DAB1: variants seen among roughly 807,000 people sequenced by gnomAD.
DAB1 encodes disabled homolog 1.
In DAB1, 15 loss-of-function variants were observed where a neutral mutation model predicts 64.6. The observed-to-expected ratio is 0.23, with a 90% CI of 0.16 to 0.36. The LOEUF is 0.36. Among genes scored for constraint, DAB1 ranks in the 10% least tolerant of loss-of-function variants. DAB1 has a pLI of 1.00. For synonymous variants in DAB1, 235 were observed against 251.9 expected, an observed-to-expected ratio of 0.93 and a Z score of 0.64; for missense variants, 596 against 706.7, an observed-to-expected ratio of 0.84 and a Z score of 1.78.
At chr1:57,288,208 C>G (rs1009504207) in intron 2 of DAB1, among the ~76,000 whole-genome samples, 1 of 152,004 alleles carries the variant, frequency 6.6e-6, no homozygotes, top group Non-Finnish European at 1.5e-5. Flanking sequence ...TGTTCTGGGA[C>G]AAATTAGCTA....
intron 1 of DAB1, among the ~76,000 whole-genome samples, chr1:57,393,314 G>T (rs911470606): frequency 7.2e-5 from 11 of 152,246 alleles, no homozygotes; most frequent in Admixed American, 2.0e-4. Context: ...ATAATTTTTG[G>T]TTTTTTCACT....
At chr1:58,379,380 T>G (rs998268008) in intron 3 of DAB1, among the ~76,000 whole-genome samples, 2 of 152,234 alleles carry the variant, frequency 1.3e-5, no homozygotes, top group African/African-American at 4.8e-5. Context: ...ATACAAAATT[T>G]ATTTGGCACA....
At chr1:57,040,089 AG>A (rs1647547313) in intron 9 of DAB1, among the ~76,000 whole-genome samples, 1 of 152,212 alleles carries the variant, frequency 6.6e-6, no homozygotes, top group Non-Finnish European at 1.5e-5. Context: ...TAAAACCTGT[AG>A]TATATGGGGC....
chr1:58,137,139 T>C (rs1653993511), intron 5 of DAB1, among the ~76,000 whole-genome samples: 1 of 152,094 alleles, frequency 6.6e-6, no homozygotes, highest in Non-Finnish European at 1.5e-5. Context: ...TAAAGATAAG[T>C]TAAAAATAAA....
rs72916579 is a variant in DAB1 at position 57,814,502 on chromosome 1, G to A, written n.551+69497C>T. On this transcript the variant is annotated intron_variant and non_coding_transcript_variant, in intron 6 of 20. Coordinates refer to the DAB1 transcript ENST00000485760. ...AATGGCACAAAAACATCAGGAAAGC[G>A]GCTTGCTGGGATTTCTCAAACTGCA... Among the ~76,000 whole-genome samples the A allele has an allele frequency of 7.1e-3, 1,077 of 152,228 alleles. 17 individuals are homozygous for A. Among genetic ancestry groups the A allele is most frequent in the African/African-American group, 0.024 (1,002 of 41,522 alleles).
chr1:57,174,571 C>T (rs947026504), intron 2 of DAB1, among the ~76,000 whole-genome samples: 2 of 152,068 alleles, frequency 1.3e-5, no homozygotes, highest in Non-Finnish European at 2.9e-5. Flanking sequence ...CTGCTTTGTA[C>T]TCATCACTTT....
chr1:57,075,369 G>A (rs1045714192), intron 4 of DAB1, among the ~76,000 whole-genome samples: 7 of 152,106 alleles, frequency 4.6e-5, no homozygotes, highest in South Asian at 2.1e-4. Context: ...GTGTGTGAGC[G>A]TGAAGTGCTT....
chr1:57,465,667 G>C (rs1260653357), intron 7 of DAB1, among the ~76,000 whole-genome samples: 3 of 152,152 alleles, frequency 2.0e-5, no homozygotes, highest in Admixed American at 1.3e-4. Flanking sequence ...GATGCATTTT[G>C]TTTTGTGTCA....
intron 1 of DAB1, among the ~76,000 whole-genome samples, chr1:57,375,225 T>G (rs1365138769): frequency 6.6e-6 from 1 of 152,136 alleles, no homozygotes; most frequent in Non-Finnish European, 1.5e-5. Context: ...CTAAGCACAC[T>G]CATTGAAAAT....
chr1:57,221,263 G>C (rs1381992423), intron 2 of DAB1, among the ~76,000 whole-genome samples: 1 of 151,942 alleles, frequency 6.6e-6, no homozygotes, highest in African/African-American at 2.4e-5. Context: ...GGGGGGATGG[G>C]GGAGGGATAG....
chr1:57,243,045 C>A (rs1164965175), intron 2 of DAB1, among the ~76,000 whole-genome samples: 2 of 152,144 alleles, frequency 1.3e-5, no homozygotes, highest in African/African-American at 4.8e-5. Context: ...TTGTTACCAG[C>A]ACTGGAGGGT....
chr1:57,259,014 G>T (rs188346295), intron 2 of DAB1, among the ~76,000 whole-genome samples: 63 of 152,228 alleles, frequency 4.1e-4, no homozygotes, highest in Non-Finnish European at 7.8e-4. Context: ...GTAGATTTTT[G>T]TGAGGATTAA....
chr1:57,908,318 A>G (rs17116431), intron 5 of DAB1, among the ~76,000 whole-genome samples: 3,864 of 152,134 alleles, frequency 0.025, 149 homozygotes, highest in African/African-American at 0.083. Flanking sequence ...GTGCCCATAC[A>G]TTAGCTAAAC....
intron 2 of DAB1, among the ~76,000 whole-genome samples, chr1:57,289,883 A>C (rs1672630357): frequency 7.9e-6 from 1 of 127,186 alleles, no homozygotes; most frequent in African/African-American, 2.7e-5. Flanking sequence ...AGTTGCTCAT[A>C]TTTAATTGGC....
intron 4 of DAB1, among the ~76,000 whole-genome samples, chr1:58,224,856 C>A (rs533230560): frequency 6.6e-6 from 1 of 152,172 alleles, no homozygotes; most frequent in African/African-American, 2.4e-5. Flanking sequence ...ACCATAAAAA[C>A]CCTAGAAGAA....
intron 2 of DAB1, among the ~76,000 whole-genome samples, chr1:57,218,596 G>A (rs1666620100): frequency 6.6e-6 from 1 of 151,008 alleles, no homozygotes; most frequent in Admixed American, 6.6e-5. Flanking sequence ...TCAGAAAGCT[G>A]AGGTGGAAGG....
chr1:57,247,131 C>T (rs145235073), intron 2 of DAB1, among the ~76,000 whole-genome samples: 3 of 152,042 alleles, frequency 2.0e-5, no homozygotes, highest in East Asian at 1.9e-4. Context: ...GAAGGACATG[C>T]GATTTGGGAG....
At chr1:57,491,648 CT>C (rs1428811995) in intron 7 of DAB1, among the ~76,000 whole-genome samples, 1 of 152,122 alleles carries the variant, frequency 6.6e-6, no homozygotes, top group African/African-American at 2.4e-5. Flanking sequence ...AGGGTTAATA[CT>C]TGCACCAATA....
At chr1:57,835,893 G>A (rs938899292) in intron 1 of DAB1, among the ~76,000 whole-genome samples, 5 of 152,134 alleles carry the variant, frequency 3.3e-5, no homozygotes, top group African/African-American at 4.8e-5. Context: ...GCCCCATGAC[G>A]TTCATTAACA....
Sources: gnomAD v4.1 joint callset for allele counts (sites outside exome capture counted in the v4.1 genomes callset) on GRCh38, gnomAD v4.1.1 for gene constraint, MANE v1.5 for transcripts, NCBI Gene and HGNC (gene_info 2026-07-23, HGNC 2026-07-21) for gene names.